The following PTPN5 variants were observed in gnomAD, a reference collection of about 807,000 sequenced individuals.
The protein encoded by PTPN5 is protein tyrosine phosphatase non-receptor type 5.
A neutral mutation model predicts 73.9 loss-of-function variants in PTPN5; 29 were observed. That is an observed-to-expected ratio of 0.39 (90% CI 0.29 to 0.54). The LOEUF is 0.54. Among genes scored for constraint, PTPN5 ranks in the 20% least tolerant of loss-of-function variants. The probability of loss-of-function intolerance (pLI) is 0.65; values close to 1 mark genes in which losing one functional copy is unlikely to be tolerated. For synonymous variants in PTPN5, 267 were observed against 304.7 expected (o/e 0.88, Z 1.29); for missense variants, 652 against 751.4 (o/e 0.87, Z 1.55).
chr11:18,741,421 G>A (rs569318540), intron 7 of PTPN5, among the ~76,000 whole-genome samples: 2 of 152,292 alleles, frequency 1.3e-5, no homozygotes, highest in East Asian at 3.9e-4. Flanking sequence ...CATAGAAAGA[G>A]AAACTGAGTC....
intron 3 of PTPN5, among the ~76,000 whole-genome samples, chr11:18,752,697 G>A (rs1233229154): frequency 6.6e-6 from 1 of 152,252 alleles, no homozygotes; most frequent in Non-Finnish European, 1.5e-5. Flanking sequence ...TCTTTGGCGT[G>A]GAGGCCCAGA....
At chr11:18,736,411 C>G (rs1397388859) in intron 9 of PTPN5, among the ~76,000 whole-genome samples, 1 of 152,260 alleles carries the variant, frequency 6.6e-6, no homozygotes, top group Admixed American at 6.5e-5. Context: ...CTGTGGGTTA[C>G]TGTTCACTCT....
Position 18,742,307 on chromosome 11 carries a change from G to A in PTPN5, c.680C>T (p.Ala227Val). 1 of 1,614,140 alleles carries A rather than the reference G, an allele frequency of 6.2e-7. No homozygotes were observed. The change falls in exon 7 of 15, where the codon GCT (alanine) becomes GTT (valine). Residue 227 changes from alanine (A) to valine (V), a missense_variant. Ala to Val is a moderately conservative substitution (Grantham distance 64, BLOSUM62 0). Coordinates refer to ENST00000358540, the MANE Select transcript of PTPN5 (RefSeq NM_006906.2). This position sits in a 1 kb window ranked among gnomAD's most constrained non-coding sequence, Gnocchi z 4.1. ...FDCVMDIKPE[A>V]DPTSLTVKSM... is the part of the protein sequence containing the mutation. ...CTTGACGGTGAGTGAGGTGGGGTCA[G>A]CCTCAGGCTTGATGTCCATCACACA...
At chr11:18,764,862 G>A (rs1468959200) in intron 3 of PTPN5, among the ~76,000 whole-genome samples, 7 of 152,040 alleles carry the variant, frequency 4.6e-5, no homozygotes, top group South Asian at 2.1e-4. Context: ...ACAGGCGCCC[G>A]CCACCACGCC....
At chr11:18,785,913 T>C (rs1851645501) in intron 1 of PTPN5, among the ~76,000 whole-genome samples, 1 of 152,200 alleles carries the variant, frequency 6.6e-6, no homozygotes, top group Non-Finnish European at 1.5e-5. Flanking sequence ...CTTGTTCCCT[T>C]ACAAATCTGC....
chr11:18,742,512 G>C lies in PTPN5; in HGVS notation c.484-9C>G. The C allele has an allele frequency of 6.2e-7, 1 of 1,612,282 alleles. No individual in the cohort carries two copies. Among genetic ancestry groups the C allele is most frequent in the Non-Finnish European group, 8.5e-7 (1 of 1,179,892 alleles). On this transcript the variant is annotated splice_polypyrimidine_tract_variant and intron_variant, in intron 6 of 14. Coordinates refer to ENST00000358540, the MANE Select transcript of PTPN5 (RefSeq NM_006906.2). This position sits in a 1 kb window ranked among gnomAD's most constrained non-coding sequence, Gnocchi z 4.1. ...CTCAGGAGGTGCCACACCTGGTTGG[G>C]GTGTACAGCATCACAGATTTCGGAC...
intron 3 of PTPN5, among the ~76,000 whole-genome samples, chr11:18,745,177 C>A (rs1849558569): frequency 6.6e-6 from 1 of 152,170 alleles, no homozygotes; most frequent in Non-Finnish European, 1.5e-5. Context: ...AGTTTACTGT[C>A]AAGAAAAGAG....
intron 1 of PTPN5, among the ~76,000 whole-genome samples, chr11:18,773,421 G>A (rs1175321872): frequency 6.6e-6 from 1 of 152,130 alleles, no homozygotes; most frequent in Non-Finnish European, 1.5e-5. Flanking sequence ...GGCACTGAGT[G>A]CATAGAGAGG....
chr11:18,761,196 C>A (rs1850372420), intron 3 of PTPN5, among the ~76,000 whole-genome samples: 2 of 152,208 alleles, frequency 1.3e-5, no homozygotes, highest in African/African-American at 4.8e-5. Context: ...CATGATGATG[C>A]TGCTGAGAGC....
Position 18,742,627 on chromosome 11 carries a change from G to T in PTPN5, c.484-124C>A. 7.1e-7 allele frequency: 1 copy of T among 1,413,266 alleles called. No individual in the cohort carries two copies. The allele number at this position is 1,413,266 out of a possible 1,614,324, so 87.5% of individuals were successfully genotyped here. On this transcript the variant is annotated intron_variant, in intron 6 of 14. Coordinates refer to ENST00000358540, the MANE Select transcript of PTPN5 (RefSeq NM_006906.2). The surrounding 1 kb of genome is among the most constrained non-coding windows in gnomAD (Gnocchi z 4.1). ...GTGTCTAGAGCAGCTCTGCTCTCCT[G>T]GGAGTTGTCCACAAGGCACTGCCCC... is the stretch of plus-strand genomic sequence containing the variant.
intron 5 of PTPN5, 21 bp downstream of exon 5, chr11:18,743,301 G>T (rs1173544862): frequency 3.7e-6 from 6 of 1,609,630 alleles, no homozygotes; most frequent in Non-Finnish European, 5.1e-6. Flanking sequence ...GCTACCCTAG[G>T]ACTCCCCAAA....
intron 3 of PTPN5, among the ~76,000 whole-genome samples, chr11:18,746,195 A>ATATAT (rs377606416): frequency 3.5e-5 from 4 of 113,998 alleles, no homozygotes; most frequent in Non-Finnish European, 5.5e-5. Flanking sequence ...ATATATATAC[A>ATATAT]TTTTTTTTTT....
In PTPN5 at chr11:18,765,900, A is replaced by G; in HGVS notation, c.21-17T>C. ...CTCTCACTCCTGCAGCAGGATGGAA[A>G]AGGTAAGAATATGCTGTTGAGCCAG... is the stretch of plus-strand genomic sequence containing the variant. On this transcript the variant is annotated splice_polypyrimidine_tract_variant and intron_variant, in intron 2 of 14. Coordinates refer to ENST00000358540, the MANE Select transcript of PTPN5 (RefSeq NM_006906.2). 6.4e-7 allele frequency: 1 copy of G among 1,551,348 alleles called. No homozygotes were observed. Among genetic ancestry groups the G allele is most frequent in the South Asian group, 1.2e-5 (1 of 84,550 alleles).
chr11:18,774,164 C>T (rs547570616), intron 1 of PTPN5, among the ~76,000 whole-genome samples: 2 of 152,348 alleles, frequency 1.3e-5, no homozygotes, highest in South Asian at 2.1e-4. Context: ...ATGTCTAACA[C>T]GGATGACAAC....
chr11:18,783,569 GCT>G (rs1851539782), intron 1 of PTPN5, among the ~76,000 whole-genome samples: 2 of 152,192 alleles, frequency 1.3e-5, no homozygotes, highest in Admixed American at 6.5e-5. Flanking sequence ...AGTTACTCAA[GCT>G]CTCTGTTTCC....
chr11:18,742,898 T>C lies in PTPN5; in HGVS notation c.483+94A>G. The C allele has an allele frequency of 1.2e-6, 1 of 869,318 alleles. No homozygotes were observed. The highest frequency in any genetic ancestry group is 1.5e-5 in the South Asian group (1 of 66,066). The allele number at this position is 869,318 out of a possible 1,614,324, so 53.9% of individuals were successfully genotyped here. A position where few individuals can be genotyped will look rare whatever the true frequency, so the allele number is the denominator to read the frequency against. The stretch of plus-strand genomic sequence containing the variant: ...GTATCCCTCCTTGCCCCACCCAGAA[T>C]GTCCAGCCTATAAGTCAGATGGGAG... On this transcript the variant is annotated intron_variant, in intron 6 of 14. Coordinates refer to ENST00000358540, the MANE Select transcript of PTPN5 (RefSeq NM_006906.2). The surrounding 1 kb of genome is among the most constrained non-coding windows in gnomAD (Gnocchi z 4.1).
At chr11:18,754,234 C>A (rs1850025233) in intron 3 of PTPN5, among the ~76,000 whole-genome samples, 1 of 152,082 alleles carries the variant, frequency 6.6e-6, no homozygotes, top group African/African-American at 2.4e-5. Flanking sequence ...ATGGGGGAAA[C>A]AACGAACGGA....
intron 12 of PTPN5, among the ~76,000 whole-genome samples, chr11:18,731,678 A>C (rs775114498): frequency 2.6e-4 from 39 of 152,212 alleles, no homozygotes; most frequent in Non-Finnish European, 4.7e-4. Context: ...CCTGGATCTT[A>C]GAGCTGCTTG....
chr11:18,749,514 C>T, intron 3 of PTPN5: 1 of 518,774 alleles, frequency 1.9e-6, no homozygotes, highest in Non-Finnish European at 3.8e-6. Context: ...GAACCTTAAT[C>T]AGCTGCATGG....
Sources: gnomAD v4.1 joint callset for allele counts (sites outside exome capture counted in the v4.1 genomes callset) on GRCh38, gnomAD v4.1.1 for gene constraint, Gnocchi (gnomAD v3.1) non-coding constraint, MANE v1.5 for transcripts, NCBI Gene and HGNC (gene_info 2026-07-23, HGNC 2026-07-21) for gene names.